The following CACNA1E variants were observed in gnomAD, a reference collection of about 807,000 sequenced individuals.
The protein encoded by CACNA1E is voltage-dependent R-type calcium channel subunit alpha-1E.
In CACNA1E, 40 loss-of-function variants were observed where a neutral mutation model predicts 259.2. That is an observed-to-expected ratio of 0.15 (90% CI 0.12 to 0.20). The LOEUF is 0.20. Ranked by LOEUF, CACNA1E falls within the 10% of genes least tolerant of loss-of-function variation. The pLI, the probability that CACNA1E is intolerant of heterozygous loss-of-function variation, is 1.00. For synonymous variants in CACNA1E, 1,104 were observed against 1,138.5 expected (o/e 0.97, Z 0.61); for missense variants, 1,874 against 3,040.1 (o/e 0.62, Z 9.02).
chr1:181,481,103 T>C (rs899535716), upstream of CACNA1E, among the ~76,000 whole-genome samples: 1 of 152,100 alleles, frequency 6.6e-6, no homozygotes, highest in African/African-American at 2.4e-5. Context: ...CCTCCCTCCG[T>C]TTCACGACTG....
chr1:181,694,393 CAA>C, intron 7 of CACNA1E, among the ~76,000 whole-genome samples: 1 of 152,190 alleles, frequency 6.6e-6, no homozygotes, highest in South Asian at 2.1e-4. Flanking sequence ...ATGTGTTTTC[CAA>C]AGTTTATGTG....
intron 24 of CACNA1E, 101 bp downstream of exon 24, chr1:181,738,527 A>G: frequency 7.8e-6 from 7 of 902,594 alleles, no homozygotes; most frequent in Non-Finnish European, 1.3e-5. Flanking sequence ...CTACCAGCCA[A>G]TGGCAGCCCT....
At chr1:181,445,740 G>C (rs1163187963) in intron 2 of CACNA1E, among the ~76,000 whole-genome samples, 2 of 152,234 alleles carry the variant, frequency 1.3e-5, no homozygotes, top group Non-Finnish European at 2.9e-5. Flanking sequence ...TGTAGCTCTT[G>C]ACAGATCTGG....
intron 6 of CACNA1E, among the ~76,000 whole-genome samples, chr1:181,588,607 C>G (rs1652325548): frequency 1.3e-5 from 2 of 152,236 alleles, no homozygotes; most frequent in African/African-American, 4.8e-5. Context: ...AAGTGTGCCT[C>G]CTGATCTGGT....
At chr1:181,343,283 CA>C (rs1048325063) in intron 1 of CACNA1E, among the ~76,000 whole-genome samples, 3 of 152,122 alleles carry the variant, frequency 2.0e-5, no homozygotes, top group African/African-American at 7.2e-5. Context: ...CTCATGTTGC[CA>C]TGTGACCTCC....
chr1:181,563,136 T>C (rs1649486508), intron 3 of CACNA1E, among the ~76,000 whole-genome samples: 1 of 152,164 alleles, frequency 6.6e-6, no homozygotes, highest in African/African-American at 2.4e-5. Flanking sequence ...TTTATAAAAC[T>C]TTATGATTGC....
chr1:181,627,748 A>T (rs751601738), intron 6 of CACNA1E, among the ~76,000 whole-genome samples: 8 of 152,230 alleles, frequency 5.3e-5, no homozygotes, highest in Non-Finnish European at 1.0e-4. Context: ...TAACATGCTT[A>T]TTCAGTGGGT....
intron 7 of CACNA1E, among the ~76,000 whole-genome samples, chr1:181,661,786 A>G (rs552578622): frequency 6.6e-6 from 1 of 152,338 alleles, no homozygotes; most frequent in South Asian, 2.1e-4. Flanking sequence ...CCTTTTATAA[A>G]TAGAGATACT....
chr1:181,541,907 G>A (rs888415165), intron 3 of CACNA1E, among the ~76,000 whole-genome samples: 1 of 152,194 alleles, frequency 6.6e-6, no homozygotes, highest in Non-Finnish European at 1.5e-5. Context: ...ATTGTATCAG[G>A]TTTGGTCTGG....
intron 6 of CACNA1E, among the ~76,000 whole-genome samples, chr1:181,610,930 T>C (rs927949410): frequency 2.6e-5 from 4 of 152,194 alleles, no homozygotes; most frequent in Non-Finnish European, 5.9e-5. Context: ...CTTTGCAATC[T>C]AACATTACTA....
At chr1:181,585,570 G>GA (rs370881000) in intron 6 of CACNA1E, among the ~76,000 whole-genome samples, 14 of 151,954 alleles carry the variant, frequency 9.2e-5, no homozygotes, top group African/African-American at 3.4e-4. Flanking sequence ...ATGCTGTGGA[G>GA]AAAAAAAATG....
At chr1:181,583,354 A>G (rs1651745307) in intron 6 of CACNA1E, among the ~76,000 whole-genome samples, 2 of 152,184 alleles carry the variant, frequency 1.3e-5, no homozygotes, top group African/African-American at 4.8e-5. Context: ...GGGAAGGCCC[A>G]GTTCACCCAG....
chr1:181,608,969 G>A (rs377799), intron 6 of CACNA1E, among the ~76,000 whole-genome samples: 151,296 of 152,338 alleles, frequency 0.99, 75,135 homozygotes, highest in Middle Eastern at 1. Context: ...CACAGCCTGG[G>A]CCACACAGAC....
At chr1:181,439,532 G>A (rs1488975085) in intron 2 of CACNA1E, among the ~76,000 whole-genome samples, 1 of 152,066 alleles carries the variant, frequency 6.6e-6, no homozygotes, top group African/African-American at 2.4e-5. Flanking sequence ...TAAGGACAGG[G>A]CTGCAACTCA....
chr1:181,362,829 C>A (rs796463338), intron 1 of CACNA1E, among the ~76,000 whole-genome samples: 16 of 152,188 alleles, frequency 1.1e-4, no homozygotes, highest in African/African-American at 3.4e-4. Flanking sequence ...GAAAACCAGA[C>A]TCTTTTCCTG....
chr1:181,493,804 A>G (rs1041469584), intron 1 of CACNA1E, among the ~76,000 whole-genome samples: 7 of 152,226 alleles, frequency 4.6e-5, no homozygotes, highest in Non-Finnish European at 8.8e-5. Flanking sequence ...GAGGGAATAC[A>G]TGATGAGTCA....
intron 1 of CACNA1E, among the ~76,000 whole-genome samples, chr1:181,402,642 C>T (rs919116186): frequency 1.3e-5 from 2 of 152,150 alleles, no homozygotes; most frequent in African/African-American, 4.8e-5. Flanking sequence ...TCTACATGGA[C>T]CTGCATAAAG....
chr1:181,479,902 T>C (rs1164809121), upstream of CACNA1E, among the ~76,000 whole-genome samples: 7 of 152,218 alleles, frequency 4.6e-5, no homozygotes, highest in Non-Finnish European at 1.0e-4. Flanking sequence ...ATACATGTGT[T>C]ACCAGGCTCA....
chr1:181,382,010 A>T (rs1311084730), intron 1 of CACNA1E, among the ~76,000 whole-genome samples: 1 of 152,330 alleles, frequency 6.6e-6, no homozygotes. Flanking sequence ...AGGAGAGTAG[A>T]TGAGATCTCT....
Sources: allele counts gnomAD v4.1 joint callset (sites outside exome capture counted in the v4.1 genomes callset), GRCh38; gene constraint gnomAD v4.1.1; transcripts MANE v1.5; gene names NCBI Gene and HGNC (gene_info 2026-07-23, HGNC 2026-07-21).